PRPF40B: variants seen among roughly 807,000 people sequenced by gnomAD.
PRPF40B encodes pre-mRNA processing factor 40B.
A neutral mutation model predicts 124.5 loss-of-function variants in PRPF40B; 56 were observed. The ratio of observed to expected loss-of-function variants is 0.45; its 90% confidence interval spans 0.36 to 0.56. The LOEUF (loss-of-function observed/expected upper bound fraction) is 0.56. Ranked by LOEUF, PRPF40B falls within the 20% of genes least tolerant of loss-of-function variation. The probability of loss-of-function intolerance (pLI) is 0.00; values close to 1 mark genes in which losing one functional copy is unlikely to be tolerated. For synonymous variants in PRPF40B, 443 were observed against 426.4 expected (o/e 1.04, Z -0.48); for missense variants, 1,053 against 1,169.5 (o/e 0.90, Z 1.45).
rs974659128 is a variant in PRPF40B, at chr12:49,631,799, C to T, written c.229-61C>T. On this transcript the variant is annotated intron_variant, in intron 3 of 25. Transcript: ENST00000548825. The surrounding 1 kb of genome is among the most constrained non-coding windows in gnomAD (Gnocchi z 4.3). ...ATGTCTCAGGACCCTTTGAGGTACC[C>T]TGTCCCTCCTGTTCCAGCCCTTACC... 6.0e-6 allele frequency: 9 copies of T among 1,496,954 alleles called. No individual in the cohort carries two copies. Among genetic ancestry groups the T allele is most frequent in the Non-Finnish European group, 8.4e-6 (9 of 1,074,492 alleles). 92.7% of individuals were successfully genotyped at this position (1,496,954 alleles called of 1,614,324 possible).
rs1943004144 is a variant in PRPF40B, at chr12:49,643,880, C to T, written c.2462C>T (p.Thr821Ile). ...TTACAGAATAGTCCTGAGAGTGAGA[C>T]AGACCCTGAGGAGAAAGCTGGCAAG... is the stretch of plus-strand genomic sequence containing the variant. ...RHKSNSPESE[T>I]DPEEKAGKES... The change falls in exon 25 of 26, where the codon ACA (threonine) becomes ATA (isoleucine). Residue 821 changes from threonine (T) to isoleucine (I), a missense_variant. Physicochemically the swap from Thr to Ile is moderately conservative, Grantham distance 89. Transcript: ENST00000548825. 1 of 1,614,048 alleles carries T rather than the reference C, an allele frequency of 6.2e-7. No individual in the cohort carries two copies. Among genetic ancestry groups the T allele is most frequent in the South Asian group, 1.1e-5 (1 of 91,090 alleles).
chr12:49,642,469 C>A lies in PRPF40B; in HGVS notation c.2022+97C>A. The A allele has an allele frequency of 6.4e-7, 1 of 1,573,412 alleles. No individual in the cohort carries two copies. The highest frequency in any genetic ancestry group is 2.3e-5 in the East Asian group (1 of 44,440). On this transcript the variant is annotated intron_variant, in intron 20 of 25. Coordinates refer to ENST00000548825, the MANE Select transcript of PRPF40B (RefSeq NM_001031698.3). This position sits in a 1 kb window ranked among gnomAD's most constrained non-coding sequence, Gnocchi z 5.8. ...CCCCAGTCACGTCACAGCCCTGGGC[C>A]AGCTCCAGTTCCCTTCCTTTCTCTG...
intron 18 of PRPF40B, chr12:49,639,133 T>C (rs1942255822): frequency 1.3e-5 from 2 of 152,176 alleles, no homozygotes; most frequent in African/African-American, 4.8e-5. Context: ...GATTTTTCTC[T>C]CGTAAGTAAT....
rs776994704 is a variant in PRPF40B at position 49,634,596 on chromosome 12, G to A, written c.995G>A (p.Arg332His). 22 of 1,614,026 alleles carry A rather than the reference G, an allele frequency of 1.4e-5. No homozygotes were observed. The highest frequency in any genetic ancestry group is 3.3e-5 in the South Asian group (3 of 91,096). Residue 332 changes from arginine to histidine, a missense_variant, in exon 12 of 26, where the codon CGT becomes CAT. Coordinates refer to ENST00000548825, the MANE Select transcript of PRPF40B (RefSeq NM_001031698.3). ...ATGAAGATGGTGGTCACCGACCCCC[G>A]TTACAGGTAGGCCTGGGCAGAGGGA... Reference protein sequence around the residue: ...QAMKMVVTDPRYSALPKLSEK... With the variant: ...QAMKMVVTDPHYSALPKLSEK...
At chr12:49,623,229 C>T (rs1465491277), upstream of PRPF40B, among the ~76,000 whole-genome samples, 2 of 151,956 alleles carry the variant, frequency 1.3e-5, no homozygotes, top group Admixed American at 6.5e-5. Context: ...ACTGCGTGAA[C>T]GCTTCGGCTC....
Position 49,642,960 on chromosome 12 carries a change from C to A in PRPF40B, c.2149C>A (p.Arg717=), listed in dbSNP as rs962692144. The part of the protein sequence containing the change: ...TECQHLHTKG[R]KHGRKGKKHH... ...ATGCCAGCACCTCCACACCAAAGGC[C>A]GAAAGCATGGCAGGAAAGGCAAGAA... The change falls in exon 22 of 26, where the codon CGA becomes AGA. Residue 717 remains arginine (R), a synonymous_variant. Transcript: ENST00000548825. This position sits in a 1 kb window ranked among gnomAD's most constrained non-coding sequence, Gnocchi z 5.8. 2.5e-6 allele frequency: 4 copies of A among 1,613,626 alleles called. No individual in the cohort carries two copies. The African/African-American group carries it at 5.3e-5, about 22-fold the overall frequency.
intron 1 of PRPF40B, among the ~76,000 whole-genome samples, chr12:49,627,757 G>T (rs1272186693): frequency 6.6e-6 from 1 of 152,160 alleles, no homozygotes; most frequent in Non-Finnish European, 1.5e-5. Flanking sequence ...GATTGGAGTG[G>T]ATGTGGGGAA....
At chr12:49,632,648 C>T in intron 5 of PRPF40B, 25 bp downstream of exon 5, 1 of 1,612,794 alleles carries the variant, frequency 6.2e-7, no homozygotes, top group Middle Eastern at 1.7e-4. Flanking sequence ...GGCCTGCTCC[C>T]CCCAGGCTCG....
intron 1 of PRPF40B, among the ~76,000 whole-genome samples, chr12:49,628,963 A>G (rs1417518517): frequency 6.6e-6 from 1 of 152,192 alleles, no homozygotes; most frequent in Non-Finnish European, 1.5e-5. Context: ...CCTTCTCTTC[A>G]GCCAGATACC....
chr12:49,635,585 T>C lies in PRPF40B; in HGVS notation c.1275+112T>C, dbSNP rs1407148556. ...TCTCTACTTCCCCAGTGTCCCAGCT[T>C]CTGACTTGGAAGCTGGTATGGGACT... On this transcript the variant is annotated intron_variant, in intron 14 of 25. Coordinates refer to ENST00000548825, the MANE Select transcript of PRPF40B (RefSeq NM_001031698.3). The surrounding 1 kb of genome is among the most constrained non-coding windows in gnomAD (Gnocchi z 4.1). The C allele has an allele frequency of 2.7e-6, 3 of 1,123,608 alleles. No individual in the cohort carries two copies. Among genetic ancestry groups the C allele is most frequent in the Non-Finnish European group, 3.8e-6 (3 of 787,332 alleles). The allele number at this position is 1,123,608 out of a possible 1,614,324, so 69.6% of individuals were successfully genotyped here.
intron 18 of PRPF40B, chr12:49,640,993 G>T (rs897282086): frequency 6.6e-6 from 1 of 152,386 alleles, no homozygotes; most frequent in Non-Finnish European, 1.5e-5. Flanking sequence ...GCACACCTCT[G>T]CCATCAGCAA....
In PRPF40B at chr12:49,633,991, C is replaced by T; in HGVS notation, c.711C>T (p.Leu237=). ...GCCCCACCCCAGTGCCCACAGGCCT[C>T]CTGGAACCTGAGCCAGGTGGGAGTG... ...PPGPTPVPTG[L]LEPEPGGSED... is the part of the protein sequence containing the mutation. Residue 237 remains leucine, a synonymous_variant, in exon 10 of 26, where the codon CTC becomes CTT. Transcript: ENST00000548825. 2 of 1,614,202 alleles carry T rather than the reference C, an allele frequency of 1.2e-6. No homozygotes were observed. Among genetic ancestry groups the T allele is most frequent in the Non-Finnish European group, 1.7e-6 (2 of 1,180,020 alleles).
rs577923928 is a variant in PRPF40B at position 49,641,995 on chromosome 12, G to A, written c.1855G>A (p.Ala619Thr). ...SFDKRAAALD[A>T]GNIKLTFNSL... ...TGACAAGAGGGCTGCCGCACTGGAC[G>A]CAGGCAACATCAAGCTGACCTTCAA... The change falls in exon 19 of 26, where the codon GCA becomes ACA. Residue 619 changes from alanine (A) to threonine (T), a missense_variant. Around this residue, in one of 2 missense-constraint regions of PRPF40B, gnomAD observed 895 missense variants for 1,052.2 expected, o/e 0.85. Coordinates refer to ENST00000548825, the MANE Select transcript of PRPF40B (RefSeq NM_001031698.3). 7.4e-6 allele frequency: 12 copies of A among 1,613,380 alleles called. No individual in the cohort carries two copies. Among genetic ancestry groups the A allele is most frequent in the East Asian group, 2.2e-5 (1 of 44,884 alleles).
Position 49,635,883 on chromosome 12 carries a change from TA to T in PRPF40B, c.1319del (p.Lys440ArgfsTer7). ...CTCCGGCGCCGCAATATCCAGGCCC[TA>T]AAGAGCATCCTGGATGGGATGAGTA... ...KQLRRRNIQA[L>X]KSILDGMSSV... On this transcript the variant is annotated frameshift_variant, in exon 15 of 26. Coordinates refer to ENST00000548825, the MANE Select transcript of PRPF40B (RefSeq NM_001031698.3). LOFTEE classifies it high-confidence loss of function. This position sits in a 1 kb window ranked among gnomAD's most constrained non-coding sequence, Gnocchi z 4.1. 6.2e-7 allele frequency: 1 copy of T among 1,613,992 alleles called. No homozygotes were observed. The highest frequency in any genetic ancestry group is 8.5e-7 in the Non-Finnish European group (1 of 1,179,968).
intron 1 of PRPF40B, chr12:49,624,106 G>T (rs1258259224): frequency 8.1e-6 from 8 of 986,440 alleles, no homozygotes; most frequent in Non-Finnish European, 9.6e-6. Context: ...GTGGAGAGGG[G>T]GCCTCTGAAG....
rs1365408679 is a variant in PRPF40B, at chr12:49,643,987, G to A, written c.2569G>A (p.Gly857Arg). 2 of 1,614,168 alleles carry A rather than the reference G, an allele frequency of 1.2e-6. No individual in the cohort carries two copies. The highest frequency in any genetic ancestry group is 2.2e-5 in the East Asian group (1 of 44,886). Residue 857 changes from glycine to arginine, a missense_variant, in exon 25 of 26, where the codon GGA (glycine) becomes AGA (arginine). Gly to Arg is a moderately radical substitution (Grantham distance 125). Around this residue, in one of 2 missense-constraint regions of PRPF40B, gnomAD observed 895 missense variants for 1,052.2 expected, o/e 0.85. Coordinates refer to ENST00000548825, the MANE Select transcript of PRPF40B (RefSeq NM_001031698.3). The part of the protein sequence containing the change: ...AELPNRSPGF[G>R]IKKEKTGWDT... ...GCTCCCTAACCGTTCCCCAGGCTTT[G>A]GAATCAAGAAGGAGAAGGTGAGGGG...
chr12:49,636,519 C>T, intron 15 of PRPF40B, 197 bp from the exon 16 acceptor site: 1 of 586,714 alleles, frequency 1.7e-6, no homozygotes, highest in South Asian at 2.4e-5. Context: ...CTTATTTATT[C>T]TTATACAATT....
In PRPF40B at chr12:49,631,388, T is replaced by C. The variant is rs767882832; in HGVS notation, c.85-13T>C. The C allele has an allele frequency of 2.0e-6, 3 of 1,511,786 alleles. No individual in the cohort carries two copies. Among genetic ancestry groups the C allele is most frequent in the East Asian group, 4.7e-5 (2 of 42,280 alleles). The allele number at this position is 1,511,786 out of a possible 1,614,324, so 93.6% of individuals were successfully genotyped here. On this transcript the variant is annotated splice_polypyrimidine_tract_variant and intron_variant, in intron 2 of 25. Coordinates refer to ENST00000548825, the MANE Select transcript of PRPF40B (RefSeq NM_001031698.3). This position sits in a 1 kb window ranked among gnomAD's most constrained non-coding sequence, Gnocchi z 4.3. ...CTTCCCTGCTCAGTATCTCTTCCTT[T>C]ACTCATTTCCAGATGCCCCCTCCAG...
intron 1 of PRPF40B, among the ~76,000 whole-genome samples, chr12:49,625,939 A>G (rs76702280): frequency 0.06 from 9,176 of 152,218 alleles, 677 homozygotes; most frequent in African/African-American, 0.18. Context: ...GTAGTAGTTT[A>G]TGTTTATTCC....
Sources: allele counts gnomAD v4.1 joint callset (sites outside exome capture counted in the v4.1 genomes callset), GRCh38; gene constraint gnomAD v4.1.1; regional missense constraint gnomAD v4.1.1; non-coding constraint Gnocchi (gnomAD v3.1); transcripts MANE v1.5; gene names NCBI Gene and HGNC (gene_info 2026-07-23, HGNC 2026-07-21).